NFIB: variants seen among roughly 807,000 people sequenced by gnomAD.
The protein encoded by NFIB is nuclear factor 1 B-type.
In NFIB, 11 loss-of-function variants were observed where a neutral mutation model predicts 61.5. The observed-to-expected ratio is 0.18, with a 90% CI of 0.11 to 0.30. NFIB has a LOEUF of 0.30. Ranked by LOEUF, NFIB falls within the 10% of genes least tolerant of loss-of-function variation. NFIB has a pLI of 1.00. For synonymous variants in NFIB, 260 were observed against 216.5 expected, an observed-to-expected ratio of 1.20 and a Z score of -1.76; for missense variants, 471 against 608.9, an observed-to-expected ratio of 0.77 and a Z score of 2.38.
chr9:14,271,752 A>T (rs1401836755), intron 2 of NFIB, among the ~76,000 whole-genome samples: 2 of 152,210 alleles, frequency 1.3e-5, no homozygotes, highest in African/African-American at 4.8e-5. Flanking sequence ...TGTAAGGTTG[A>T]ATAATAATTT....
At chr9:14,443,762 T>G in the NFIB span, among the ~76,000 whole-genome samples, 75 of 152,374 alleles carry the variant, frequency 4.9e-4, no homozygotes, top group Non-Finnish European at 9.3e-4. Flanking sequence ...ATCTAGTGGC[T>G]TAAATCTCAC....
the NFIB span, among the ~76,000 whole-genome samples, chr9:14,459,289 G>A: frequency 2.5e-4 from 38 of 152,270 alleles, no homozygotes; most frequent in African/African-American, 9.1e-4. Context: ...TTTCGTAAAT[G>A]GTGCTGGGAA....
intron 2 of NFIB, among the ~76,000 whole-genome samples, chr9:14,198,190 T>C (rs2131605842): frequency 6.6e-6 from 1 of 152,282 alleles, no homozygotes; most frequent in South Asian, 2.1e-4. Context: ...GGGGTTTCCC[T>C]TCCATAACAG....
At chr9:14,444,721 A>ACTCT in the NFIB span, among the ~76,000 whole-genome samples, 1 of 152,224 alleles carries the variant, frequency 6.6e-6, no homozygotes, top group Non-Finnish European at 1.5e-5. Flanking sequence ...CTTTTAAAAA[A>ACTCT]TTGTGAAATA....
chr9:14,507,006 A>C, the NFIB span, among the ~76,000 whole-genome samples: 3 of 152,222 alleles, frequency 2.0e-5, no homozygotes, highest in Non-Finnish European at 4.4e-5. Context: ...CGACACCATA[A>C]AGATTTAAAT....
At chr9:14,441,320 T>C in the NFIB span, among the ~76,000 whole-genome samples, 2 of 152,196 alleles carry the variant, frequency 1.3e-5, no homozygotes, top group Non-Finnish European at 2.9e-5. Flanking sequence ...CTCCAAACTG[T>C]TATTTAAAGC....
intron 3 of NFIB, among the ~76,000 whole-genome samples, chr9:14,158,106 A>G: frequency 6.8e-6 from 1 of 147,574 alleles, no homozygotes. Context: ...ACAAGACTCC[A>G]TCTCAAAAAA....
the NFIB span, among the ~76,000 whole-genome samples, chr9:14,433,646 T>C: frequency 2.6e-5 from 4 of 152,216 alleles, no homozygotes; most frequent in Non-Finnish European, 2.9e-5. Flanking sequence ...TTGACGAGTC[T>C]GCTCAAAGCA....
chr9:14,250,597 C>T (rs1408879519), intron 2 of NFIB, among the ~76,000 whole-genome samples: 3 of 152,156 alleles, frequency 2.0e-5, no homozygotes, highest in African/African-American at 4.8e-5. Context: ...TTTGGTGTTC[C>T]CTTGCTTATG....
chr9:14,205,358 A>G (rs1387221201), intron 2 of NFIB, among the ~76,000 whole-genome samples: 1 of 149,566 alleles, frequency 6.7e-6, no homozygotes, highest in Non-Finnish European at 1.5e-5. Flanking sequence ...CTAAAAATAC[A>G]TACTGATTTG....
intron 3 of NFIB, among the ~76,000 whole-genome samples, chr9:14,168,679 T>G (rs994849072): frequency 2.6e-4 from 40 of 152,168 alleles, no homozygotes; most frequent in African/African-American, 9.7e-4. Context: ...GATTAAGACA[T>G]GAGGCAAAAT....
At chr9:14,310,939 A>G (rs2060250173) in intron 1 of NFIB, among the ~76,000 whole-genome samples, 1 of 152,180 alleles carries the variant, frequency 6.6e-6, no homozygotes, top group African/African-American at 2.4e-5. Flanking sequence ...GCGCATTGCT[A>G]TATAACAACA....
chr9:14,476,567 G>A, the NFIB span, among the ~76,000 whole-genome samples: 1 of 152,106 alleles, frequency 6.6e-6, no homozygotes, highest in South Asian at 2.1e-4. Context: ...CTACTTTCTA[G>A]ATGCTTTTTA....
At chr9:14,479,089 C>T in the NFIB span, among the ~76,000 whole-genome samples, 1 of 152,078 alleles carries the variant, frequency 6.6e-6, no homozygotes, top group African/African-American at 2.4e-5. Flanking sequence ...ATCTACATGA[C>T]AGGGAAAAAA....
intron 1 of NFIB, among the ~76,000 whole-genome samples, chr9:14,366,090 C>A (rs2061296728): frequency 6.6e-6 from 1 of 152,160 alleles, no homozygotes; most frequent in Non-Finnish European, 1.5e-5. Context: ...CAAAGTCTAC[C>A]CTTGCACTAA....
intron 1 of NFIB, among the ~76,000 whole-genome samples, chr9:14,308,817 G>A (rs972429010): frequency 1.3e-5 from 2 of 152,122 alleles, no homozygotes; most frequent in Non-Finnish European, 2.9e-5. Context: ...TTTTTTAAGG[G>A]AGGGGATCAG....
intron 1 of NFIB, among the ~76,000 whole-genome samples, chr9:14,345,180 T>A (rs2061004316): frequency 1.3e-5 from 2 of 152,140 alleles, no homozygotes; most frequent in Non-Finnish European, 2.9e-5. Flanking sequence ...TGCTTTTTAT[T>A]CATTTGAGTA....
the NFIB span, among the ~76,000 whole-genome samples, chr9:14,419,876 C>G: frequency 2.7e-3 from 417 of 152,288 alleles, 2 homozygotes; most frequent in African/African-American, 9.4e-3. Flanking sequence ...TGAACCTGAG[C>G]TTGTGAATAG....
chr9:14,116,467 G>T (rs1279269284), intron 8 of NFIB, 121 bp from the exon 9 acceptor site: 1 of 1,031,918 alleles, frequency 9.7e-7, no homozygotes, highest in Non-Finnish European at 1.3e-6. Context: ...CGCCACACAG[G>T]CCCTCTCGAG....
Sources: allele counts gnomAD v4.1 joint callset (sites outside exome capture counted in the v4.1 genomes callset), GRCh38; gene constraint gnomAD v4.1.1; transcripts MANE v1.5; gene names NCBI Gene and HGNC (gene_info 2026-07-23, HGNC 2026-07-21).